Variants in SHANK2 observed in about 807,000 individuals in gnomAD.
SHANK2 encodes the protein SH3 and multiple ankyrin repeat domains 2.
SHANK2 carries 43 observed loss-of-function variants against 133.7 expected under a neutral mutation model. The ratio of observed to expected loss-of-function variants is 0.32; its 90% CI spans 0.25 to 0.41. The LOEUF (loss-of-function observed/expected upper bound fraction) is 0.41, where lower values mean the gene tolerates loss of function less well. Ranked by LOEUF, SHANK2 falls within the 10% of genes least tolerant of loss-of-function variation. The probability of loss-of-function intolerance (pLI) is 1.00; values close to 1 mark genes in which losing one functional copy is unlikely to be tolerated. For synonymous variants in SHANK2, 1,017 were observed against 952.8 expected, an observed-to-expected ratio of 1.07 and a Z score of -1.24; for missense variants, 1,994 against 2,235.8, an observed-to-expected ratio of 0.89 and a Z score of 2.18.
intron 17 of SHANK2, among the ~76,000 whole-genome samples, chr11:70,572,239 A>G (rs2060054570): frequency 6.6e-6 from 1 of 152,210 alleles, no homozygotes. Flanking sequence ...GGCTCACTGC[A>G]ACGTCCACCT....
intron 15 of SHANK2, among the ~76,000 whole-genome samples, chr11:70,672,776 C>A (rs1591733471): frequency 6.6e-6 from 1 of 152,376 alleles, no homozygotes; most frequent in South Asian, 2.1e-4. Flanking sequence ...CCCCCGAAGG[C>A]AGGACGGTTC....
chr11:71,244,787 C>T (rs1555124767), intron 1 of SHANK2, among the ~76,000 whole-genome samples: 1 of 152,174 alleles, frequency 6.6e-6, no homozygotes. Flanking sequence ...ACTGCAACCT[C>T]CGCCTGCCGG....
chr11:70,471,005 G>T lies in SHANK2; in HGVS notation c.*1864C>A. 3.2e-6 allele frequency: 1 copy of T among 309,924 alleles called. No homozygotes were observed. The highest frequency in any genetic ancestry group is 5.8e-6 in the Non-Finnish European group (1 of 171,692). The allele number at this position is 309,924 out of a possible 1,614,324, so 19.2% of individuals were successfully genotyped here. On this transcript the variant is annotated 3_prime_UTR_variant, in exon 26 of 26. Transcript: ENST00000601538. This position sits in a 1 kb window ranked among gnomAD's most constrained non-coding sequence, Gnocchi z 4.1. Reference sequence around the variant, plus strand: ...GCTGGTTCAGATGCATCCAAATAAGGTTGATTTAAAAAGGTCATACTTTTA... The same window carrying T: ...GCTGGTTCAGATGCATCCAAATAAGTTTGATTTAAAAAGGTCATACTTTTA...
At chr11:70,610,655 G>A (rs1159362361) in intron 17 of SHANK2, among the ~76,000 whole-genome samples, 3 of 152,318 alleles carry the variant, frequency 2.0e-5, no homozygotes, top group African/African-American at 4.8e-5. Flanking sequence ...GCTGCTGATC[G>A]GCTCCAGCGG....
At chr11:70,837,663 A>T (rs1948840109) in intron 11 of SHANK2, among the ~76,000 whole-genome samples, 1 of 152,176 alleles carries the variant, frequency 6.6e-6, no homozygotes, top group Non-Finnish European at 1.5e-5. Context: ...ACCAGCACAG[A>T]GCCCAGCCCC....
At chr11:70,773,789 C>T (rs1947304532) in intron 14 of SHANK2, among the ~76,000 whole-genome samples, 1 of 152,126 alleles carries the variant, frequency 6.6e-6, no homozygotes, top group South Asian at 2.1e-4. Flanking sequence ...GTCTAATACC[C>T]ACTAAGATGC....
At chr11:71,209,834 TA>T (rs1237566607) in intron 2 of SHANK2, among the ~76,000 whole-genome samples, 1 of 152,070 alleles carries the variant, frequency 6.6e-6, no homozygotes, top group Non-Finnish European at 1.5e-5. Context: ...TCTGCCAGAC[TA>T]CATCCCAGGG....
At position 71,092,601 on chromosome 11, in the gene SHANK2, A is replaced by T; in HGVS notation, c.745-12T>A. ...AGCTCTAAAAGGGTCTAGGAAAAAA[A>T]AATTGAAAGCCGTCGTTATTGGTCT... On this transcript the variant is annotated splice_polypyrimidine_tract_variant and intron_variant, in intron 7 of 25. Transcript: ENST00000601538. 1 of 1,549,862 alleles carries T rather than the reference A, an allele frequency of 6.5e-7. No individual in the cohort carries two copies. Among genetic ancestry groups the T allele is most frequent in the Non-Finnish European group, 8.7e-7 (1 of 1,145,418 alleles).
chr11:70,727,406 A>T (rs782240016), intron 14 of SHANK2, among the ~76,000 whole-genome samples: 3 of 152,144 alleles, frequency 2.0e-5, no homozygotes, highest in African/African-American at 4.8e-5. Context: ...TCCTTCGGGG[A>T]TGCCAAGTCT....
At chr11:71,176,768 T>TA (rs1231198153) in intron 2 of SHANK2, among the ~76,000 whole-genome samples, 69 of 151,178 alleles carry the variant, frequency 4.6e-4, no homozygotes, top group African/African-American at 1.3e-3. Context: ...TTGGAGTTTC[T>TA]AAAAAAAAAG....
chr11:70,553,926 G>A (rs1032395122), intron 17 of SHANK2, among the ~76,000 whole-genome samples: 3 of 152,260 alleles, frequency 2.0e-5, no homozygotes, highest in Non-Finnish European at 2.9e-5. Context: ...GGGTCCCTGC[G>A]TGTGCCGCAG....
intron 17 of SHANK2, among the ~76,000 whole-genome samples, chr11:70,545,247 A>G (rs941374850): frequency 1.3e-5 from 2 of 152,202 alleles, no homozygotes; most frequent in Non-Finnish European, 2.9e-5. Flanking sequence ...GCAGCGTCGC[A>G]TTGCTAATCA....
Position 70,718,700 on chromosome 11 carries a change from C to CTTTTTTTTTTTTT in SHANK2, c.1778-19950_1778-19938dup, listed in dbSNP as rs60414874. ...CTCCCTTTTTGATAGAGCTCATTCT[C>CTTTTTTTTTTTTT]TTTTTTTTTTTTTGAATTGCTGGCC... On this transcript the variant is annotated intron_variant, in intron 14 of 25. Transcript: ENST00000601538. 1.0e-4 allele frequency among the ~76,000 whole-genome samples: 13 copies of CTTTTTTTTTTTTT among 129,810 alleles called. 1 individual carries two copies. The highest frequency in any genetic ancestry group is 3.2e-4 in the African/African-American group (10 of 31,036). 85.2% of individuals were successfully genotyped at this position (129,810 alleles called of 152,430 possible). A position where few individuals can be genotyped will look rare whatever the true frequency, so the allele number is the denominator to read the frequency against.
At chr11:71,214,542 G>A (rs1347879792) in intron 2 of SHANK2, among the ~76,000 whole-genome samples, 1 of 152,246 alleles carries the variant, frequency 6.6e-6, no homozygotes, top group Non-Finnish European at 1.5e-5. Context: ...TTCCGAAGAA[G>A]TGTCATCTCT....
At chr11:70,658,264 GACACACACACACACACAGACACAC>G (rs2061435471) in intron 17 of SHANK2, among the ~76,000 whole-genome samples, 41 of 99,306 alleles carry the variant, frequency 4.1e-4, no homozygotes, top group South Asian at 2.1e-3. Flanking sequence ...CACACACACA[GACACACACACACACACAGACACAC>G]ACACACACAC....
At chr11:70,759,680 T>A (rs4980639) in intron 14 of SHANK2, among the ~76,000 whole-genome samples, 1 of 152,028 alleles carries the variant, frequency 6.6e-6, no homozygotes, top group Non-Finnish European at 1.5e-5. Context: ...TAAGACTGTG[T>A]GAGGCAAGGG....
chr11:70,896,708 T>A, intron 10 of SHANK2, 141 bp from the exon 11 acceptor site: 1 of 606,354 alleles, frequency 1.6e-6, no homozygotes, highest in Admixed American at 2.7e-5. Flanking sequence ...TCAACACTCA[T>A]CCACTCACCT....
rs1376858487 is a variant in SHANK2 at position 70,730,120 on chromosome 11, C to T, written c.1778-31357G>A. Among the ~76,000 whole-genome samples, 3 of 152,184 alleles carry T rather than the reference C, an allele frequency of 2.0e-5. No individual in the cohort carries two copies. The East Asian group carries it at 5.8e-4, about 29-fold the overall frequency. On this transcript the variant is annotated intron_variant, in intron 14 of 25. Coordinates refer to ENST00000601538, the MANE Select transcript of SHANK2 (RefSeq NM_012309.5). ...GGGCCTTGGAGAGGAGGAAGTGGGA[C>T]CTGTGTGCCAGCTGCTATTATGTGT...
At chr11:70,635,633 T>A (rs1555003721) in intron 17 of SHANK2, 1 of 151,846 alleles carries the variant, frequency 6.6e-6, no homozygotes, top group African/African-American at 2.4e-5. Flanking sequence ...AGATGGATGG[T>A]GGTGATGGTG....
Sources: allele counts gnomAD v4.1 joint callset (sites outside exome capture counted in the v4.1 genomes callset), GRCh38; gene constraint gnomAD v4.1.1; non-coding constraint Gnocchi (gnomAD v3.1); transcripts MANE v1.5; gene names NCBI Gene and HGNC (gene_info 2026-07-23, HGNC 2026-07-21).